The following ENGASE variants were observed in gnomAD, a reference collection of about 807,000 sequenced individuals.
The protein encoded by ENGASE is endo-beta-N-acetylglucosaminidase.
In ENGASE, 69 loss-of-function variants were observed where a neutral mutation model predicts 78.5. The ratio of observed to expected loss-of-function variants is 0.88; its 90% confidence interval spans 0.72 to 1.07. The LOEUF (loss-of-function observed/expected upper bound fraction) is 1.07. Ranked by LOEUF, ENGASE falls within the 50% of genes least tolerant of loss-of-function variation. The probability of loss-of-function intolerance (pLI) is 0.00; values close to 1 mark genes in which losing one functional copy is unlikely to be tolerated. For synonymous variants in ENGASE, 408 were observed against 408.9 expected, an observed-to-expected ratio of 1.00 and a Z score of 0.03; for missense variants, 943 against 988.4, an observed-to-expected ratio of 0.95 and a Z score of 0.62.
chr17:79,082,446 G>A, intron 7 of ENGASE: 4 of 1,214,102 alleles, frequency 3.3e-6, no homozygotes, highest in Non-Finnish European at 4.2e-6. Flanking sequence ...CGGCTCAGGG[G>A]CGAGGACGGG....
chr17:79,077,930 G>A, intron 3 of ENGASE, 66 bp downstream of exon 3: 2 of 1,306,058 alleles, frequency 1.5e-6, no homozygotes, highest in Non-Finnish European at 2.1e-6. Flanking sequence ...GGGGCTGGAG[G>A]GGCGGGAGAG....
rs200442373 is a variant in ENGASE, at chr17:79,084,686, G to A, written c.1591G>A (p.Ala531Thr). ...CATCGGTGGCATCTCAGTGTTGAAC[G>A]GTGAGGTAATGGGGCCCAGGCCTGC... ...CHIGGISVLN[A>T]ETSSRHSLRP... Residue 531 changes from alanine to threonine, a missense_variant and splice_region_variant, in exon 11 of 14, where the codon GCA (alanine) becomes ACA (threonine). Coordinates refer to ENST00000579016, the MANE Select transcript of ENGASE (RefSeq NM_001042573.3). 3.1e-6 allele frequency: 5 copies of A among 1,612,228 alleles called. No homozygotes were observed. The highest frequency in any genetic ancestry group is 1.3e-5 in the African/African-American group (1 of 74,932).
At chr17:79,079,743 A>T in intron 4 of ENGASE, 106 bp downstream of exon 4, 1 of 1,449,100 alleles carries the variant, frequency 6.9e-7, no homozygotes, top group Non-Finnish European at 9.2e-7. Flanking sequence ...CAGTGCCCAG[A>T]GCCCCTCGCT....
At chr17:79,075,178 C>T in intron 1 of ENGASE, 88 bp downstream of exon 1, 2 of 1,172,606 alleles carry the variant, frequency 1.7e-6, no homozygotes, top group South Asian at 8.5e-5. Context: ...ACGGGCGCGC[C>T]GAGGGGCGGG....
At chr17:79,077,159 C>G (rs888021021) in intron 1 of ENGASE, among the ~76,000 whole-genome samples, 24 of 152,240 alleles carry the variant, frequency 1.6e-4, no homozygotes, top group African/African-American at 5.8e-4. Context: ...GCGTGAACCA[C>G]TGCGTCTGGC....
At chr17:79,079,693 G>A in intron 4 of ENGASE, 56 bp downstream of exon 4, 1 of 1,579,680 alleles carries the variant, frequency 6.3e-7, no homozygotes, top group African/African-American at 1.4e-5. Flanking sequence ...CACCAGCCAG[G>A]GGACCCCGTG....
chr17:79,078,510 C>T (rs1437169209), intron 3 of ENGASE, among the ~76,000 whole-genome samples: 1 of 152,172 alleles, frequency 6.6e-6, no homozygotes, highest in Admixed American at 6.5e-5. Flanking sequence ...CAGCCTCACC[C>T]CCTCACGTGG....
rs568737879 is a variant in ENGASE at position 79,086,579 on chromosome 17, G to A, written c.*230G>A. 12 of 587,384 alleles carry A rather than the reference G, an allele frequency of 2.0e-5. No individual in the cohort carries two copies. Among genetic ancestry groups the A allele is most frequent in the Admixed American group, 3.1e-5 (1 of 32,426 alleles). 36.4% of individuals were successfully genotyped at this position (587,384 alleles called of 1,614,324 possible). A position where few individuals can be genotyped will look rare whatever the true frequency, so the allele number is the denominator to read the frequency against. ...CGTTGGTCACTGCGAGGCGAGTGGC[G>A]GGCTTTCTGTTTCTGCCTTGTCCCT... On this transcript the variant is annotated 3_prime_UTR_variant, in exon 14 of 14. Coordinates refer to ENST00000579016, the MANE Select transcript of ENGASE (RefSeq NM_001042573.3).
chr17:79,085,418 G>A, intron 12 of ENGASE, 76 bp downstream of exon 12: 1 of 1,381,626 alleles, frequency 7.2e-7, no homozygotes, highest in Non-Finnish European at 9.8e-7. Context: ...TGGAGGGATG[G>A]AGGGGCCCTG....
chr17:79,085,433 G>A, intron 12 of ENGASE, 91 bp downstream of exon 12: 1 of 1,347,160 alleles, frequency 7.4e-7, no homozygotes, highest in Admixed American at 2.5e-5. Context: ...GCCCTGGGCT[G>A]GCCCCCAGGT....
rs1471388615 is a variant in ENGASE, at chr17:79,085,361, T to C, written c.1700+19T>C. 6.4e-7 allele frequency: 1 copy of C among 1,569,362 alleles called. No homozygotes were observed. The highest frequency in any genetic ancestry group is 8.7e-7 in the Non-Finnish European group (1 of 1,149,262). Reference sequence around the variant, plus strand: ...TCCAGCAGTAAGTCCCTCTGCTTCTTCACGTCCTTCTCCCTCACTCAAGTC... The same window carrying C: ...TCCAGCAGTAAGTCCCTCTGCTTCTCCACGTCCTTCTCCCTCACTCAAGTC... On this transcript the variant is annotated intron_variant, in intron 12 of 13. Coordinates refer to ENST00000579016, the MANE Select transcript of ENGASE (RefSeq NM_001042573.3).
At chr17:79,078,451 G>C (rs2073022804) in intron 3 of ENGASE, among the ~76,000 whole-genome samples, 1 of 152,226 alleles carries the variant, frequency 6.6e-6, no homozygotes, top group African/African-American at 2.4e-5. Flanking sequence ...GCTGGTAGTA[G>C]ATTGGAGGGA....
At position 79,077,463 on chromosome 17, in the gene ENGASE, A is replaced by G. The variant is rs1285412971; in HGVS notation, c.180A>G (p.Arg60=). The G allele has an allele frequency of 3.2e-6, 5 of 1,576,708 alleles. No individual in the cohort carries two copies. The highest frequency in any genetic ancestry group is 1.9e-5 in the Admixed American group (1 of 51,442). ...ATGAAGAAGAAGAGACAGTCTTTCG[A>G]GAGGTGGTCAGTTTTTCCCCGGACC... The part of the protein sequence containing the change: ...IKDEEEETVF[R]EVVSFSPDPL... The change falls in exon 2 of 14, where the codon CGA becomes CGG. Residue 60 remains arginine (R), a synonymous_variant. Transcript: ENST00000579016.
chr17:79,081,945 G>C lies in ENGASE; in HGVS notation c.920G>C (p.Arg307Pro). Residue 307 changes from arginine to proline, a missense_variant, in exon 7 of 14, where the codon CGG becomes CCG. Physicochemically the swap from Arg to Pro is moderately radical, Grantham distance 103. Coordinates refer to ENST00000579016, the MANE Select transcript of ENGASE (RefSeq NM_001042573.3). ...CDGFFTNYNW[R>P]EEHLERMLGQ... ...GGCTTCTTCACTAACTATAACTGGC[G>C]GGAGGAGCACTTGGAGCGGATGCTG... is the stretch of plus-strand genomic sequence containing the variant. The C allele has an allele frequency of 6.2e-7, 1 of 1,614,138 alleles. No individual in the cohort carries two copies. Among genetic ancestry groups the C allele is most frequent in the Non-Finnish European group, 8.5e-7 (1 of 1,180,020 alleles).
intron 3 of ENGASE, among the ~76,000 whole-genome samples, chr17:79,078,293 T>C (rs2073018183): frequency 1.3e-5 from 2 of 152,126 alleles, no homozygotes; most frequent in African/African-American, 2.4e-5. Context: ...TGAGCCAAGA[T>C]TGCACTACTG....
At chr17:79,081,318 C>T (rs577003468) in intron 6 of ENGASE, among the ~76,000 whole-genome samples, 84 of 152,268 alleles carry the variant, frequency 5.5e-4, no homozygotes, top group African/African-American at 1.9e-3. Context: ...CTGGCTAACA[C>T]GGTGAAACTC....
At chr17:79,076,557 C>G (rs1014247704) in intron 1 of ENGASE, among the ~76,000 whole-genome samples, 4 of 152,212 alleles carry the variant, frequency 2.6e-5, no homozygotes, top group Non-Finnish European at 5.9e-5. Flanking sequence ...GAGCGAGACT[C>G]TGTCTCAATT....
Position 79,079,573 on chromosome 17 carries a change from C to T in ENGASE, c.501C>T (p.His167=), listed in dbSNP as rs1308131978. The change falls in exon 4 of 14, where the codon CAC becomes CAT. Residue 167 remains histidine (H), a synonymous_variant. Transcript: ENST00000579016. ...CIDVFVYFSH[H]TVTIPPVGWT... ...ACGTCTTTGTGTACTTCAGCCACCA[C>T]ACCGTCACCATTCCCCCAGTGGGCT... 2 of 1,614,134 alleles carry T rather than the reference C, an allele frequency of 1.2e-6. No homozygotes were observed. The highest frequency in any genetic ancestry group is 2.2e-5 in the East Asian group (1 of 44,878).
rs202084727 is a variant in ENGASE at position 79,083,793 on chromosome 17, C to T, written c.1284C>T (p.Ser428=). Residue 428 remains serine (S), a synonymous_variant, in exon 10 of 14, where the codon AGC becomes AGT. Coordinates refer to ENST00000579016, the MANE Select transcript of ENGASE (RefSeq NM_001042573.3). This position sits in a 1 kb window ranked among gnomAD's most constrained non-coding sequence, Gnocchi z 4.9. ...EEAVGPWYHL[S]AQEIQPLFGE... ...CGGTAGGGCCCTGGTACCACCTGAG[C>T]GCCCAGGAGATCCAGCCCTTGTTTG... 3.8e-5 allele frequency: 61 copies of T among 1,611,932 alleles called. No individual in the cohort carries two copies. In the Admixed American group the frequency reaches 7.7e-4, roughly 20 times the overall value.
Sources: allele counts gnomAD v4.1 joint callset (sites outside exome capture counted in the v4.1 genomes callset), GRCh38; gene constraint gnomAD v4.1.1; non-coding constraint Gnocchi (gnomAD v3.1); transcripts MANE v1.5; gene names NCBI Gene and HGNC (gene_info 2026-07-23, HGNC 2026-07-21).